PSMD12: variants seen among roughly 807,000 people sequenced by gnomAD.
PSMD12 encodes 26S proteasome non-ATPase regulatory subunit 12.
A neutral mutation model predicts 62.9 loss-of-function variants in PSMD12; 8 were observed. That is an observed-to-expected ratio of 0.13 (90% confidence interval 0.07 to 0.23). The LOEUF (loss-of-function observed/expected upper bound fraction) is 0.23, where lower values mean the gene tolerates loss of function less well. Ranked by LOEUF, PSMD12 falls within the 10% of genes least tolerant of loss-of-function variation. PSMD12 has a pLI of 1.00. For missense variants in PSMD12, 424 were observed against 550.2 expected, an observed-to-expected ratio of 0.77 and a Z score of 2.29; for synonymous variants, 173 against 187.4, an observed-to-expected ratio of 0.92 and a Z score of 0.63.
chr17:67,354,114 T>C (rs1390526100), intron 3 of PSMD12, among the ~76,000 whole-genome samples: 3 of 152,200 alleles, frequency 2.0e-5, no homozygotes, highest in Non-Finnish European at 4.4e-5. Context: ...CATTTGGAAA[T>C]TAACAGGGCC....
intron 1 of PSMD12, among the ~76,000 whole-genome samples, chr17:67,358,583 A>AAAAG (rs2042100610): frequency 1.3e-5 from 2 of 149,078 alleles, no homozygotes; most frequent in Non-Finnish European, 3.0e-5. Flanking sequence ...AAAAAAAAAA[A>AAAAG]AAAGAAAAGA....
intron 3 of PSMD12, among the ~76,000 whole-genome samples, chr17:67,356,244 A>C (rs749154920): frequency 1.3e-5 from 2 of 152,084 alleles, no homozygotes; most frequent in African/African-American, 2.4e-5. Context: ...ATAGTTTTTG[A>C]ATGTCAGTAA....
intron 3 of PSMD12, among the ~76,000 whole-genome samples, chr17:67,353,651 A>C (rs1180974105): frequency 1.3e-5 from 2 of 152,212 alleles, no homozygotes; most frequent in African/African-American, 4.8e-5. Flanking sequence ...CTGCTTAAGC[A>C]AAAAATAAAT....
chr17:67,356,344 G>A (rs1444466580), intron 3 of PSMD12, among the ~76,000 whole-genome samples: 10 of 151,124 alleles, frequency 6.6e-5, no homozygotes, highest in Non-Finnish European at 1.5e-4. Flanking sequence ...GGATCACGAG[G>A]TCAGGAGATC....
chr17:67,340,062 A>T lies in PSMD12; in HGVS notation c.*781T>A, dbSNP rs1021527821. Reference sequence around the variant, plus strand: ...ACAACTTTATGTTAAATTTAAACCCATATAAAGAAAGGGGAGAGGAAGAAG... The same window carrying T: ...ACAACTTTATGTTAAATTTAAACCCTTATAAAGAAAGGGGAGAGGAAGAAG... On this transcript the variant is annotated 3_prime_UTR_variant, in exon 11 of 11. Transcript: ENST00000356126. 5 of 147,988 alleles carry T rather than the reference A, an allele frequency of 3.4e-5. No individual in the cohort carries two copies. The highest frequency in any genetic ancestry group is 7.5e-5 in the Non-Finnish European group (5 of 67,106). The allele number at this position is 147,988 out of a possible 1,614,324, so 9.2% of individuals were successfully genotyped here.
rs1272986615 is a variant in PSMD12, at chr17:67,344,910, A to G, written c.909-130T>C. On this transcript the variant is annotated intron_variant, in intron 8 of 10. Coordinates refer to ENST00000356126, the MANE Select transcript of PSMD12 (RefSeq NM_002816.5). Reference sequence around the variant, plus strand: ...TTTATTTAGTAGAATGAGACACCATATGATTATTGTGTATTTTACCAACTT... The same window carrying G: ...TTTATTTAGTAGAATGAGACACCATGTGATTATTGTGTATTTTACCAACTT... The G allele has an allele frequency of 6.7e-6, 5 of 741,850 alleles. No individual in the cohort carries two copies. The South Asian group carries it at 1.1e-4, about 16-fold the overall frequency. The allele number at this position is 741,850 out of a possible 1,614,324, so 46.0% of individuals were successfully genotyped here. A position where few individuals can be genotyped will look rare whatever the true frequency, so the allele number is the denominator to read the frequency against.
intron 1 of PSMD12, among the ~76,000 whole-genome samples, chr17:67,363,446 C>A (rs1390271319): frequency 2.0e-5 from 3 of 152,148 alleles, no homozygotes; most frequent in African/African-American, 7.2e-5. Flanking sequence ...ATGTCTTTCA[C>A]ATTTAAAATA....
chr17:67,354,434 C>T (rs1008825663), intron 3 of PSMD12, among the ~76,000 whole-genome samples: 4 of 151,402 alleles, frequency 2.6e-5, no homozygotes, highest in South Asian at 4.2e-4. Context: ...AAAAAGTAAG[C>T]GTTAAGCAAC....
chr17:67,354,121 G>C (rs2042044771), intron 3 of PSMD12, among the ~76,000 whole-genome samples: 1 of 152,162 alleles, frequency 6.6e-6, no homozygotes. Context: ...AAATTAACAG[G>C]GCCAGGGGCC....
intron 3 of PSMD12, among the ~76,000 whole-genome samples, chr17:67,353,759 T>C (rs2042041459): frequency 6.6e-6 from 1 of 152,146 alleles, no homozygotes; most frequent in African/African-American, 2.4e-5. Flanking sequence ...AGACATAATA[T>C]GTTACAGGGA....
At position 67,347,319 on chromosome 17, in the gene PSMD12, G is replaced by A. The variant is rs2041977190; in HGVS notation, c.660+17C>T. The A allele has an allele frequency of 1.9e-6, 3 of 1,612,584 alleles. No individual in the cohort carries two copies. The highest frequency in any genetic ancestry group is 2.7e-5 in the African/African-American group (2 of 74,986). ...TTCATACTTTTAAAGTAAACATGTGGTCACAGATATGCTCACCTCTGTATT... is the reference window on the plus strand; with the variant it reads ...TTCATACTTTTAAAGTAAACATGTGATCACAGATATGCTCACCTCTGTATT... On this transcript the variant is annotated intron_variant, in intron 6 of 10. Transcript: ENST00000356126.
intron 1 of PSMD12, among the ~76,000 whole-genome samples, chr17:67,363,914 T>C (rs2042156544): frequency 1.3e-5 from 2 of 152,014 alleles, no homozygotes; most frequent in African/African-American, 2.4e-5. Flanking sequence ...CTGGACGTAG[T>C]GGTGCATGCC....
chr17:67,361,412 T>A (rs2042126503), intron 1 of PSMD12, among the ~76,000 whole-genome samples: 1 of 152,064 alleles, frequency 6.6e-6, no homozygotes, highest in African/African-American at 2.4e-5. Context: ...TGAAACCCCA[T>A]CTCTACTAAA....
At chr17:67,352,876 C>G (rs376993990) in intron 3 of PSMD12, among the ~76,000 whole-genome samples, 244 of 152,294 alleles carry the variant, frequency 1.6e-3, no homozygotes, top group African/African-American at 5.6e-3. Context: ...TCAAGCAACC[C>G]TTATTATACT....
chr17:67,357,251 T>C (rs2042083616), intron 3 of PSMD12, 52 bp downstream of exon 3: 3 of 1,563,426 alleles, frequency 1.9e-6, no homozygotes, highest in Middle Eastern at 2.4e-4. Context: ...TTGTGAAAAG[T>C]TCTGAAATAC....
intron 8 of PSMD12, chr17:67,345,525 C>T (rs1397932844): frequency 4.5e-5 from 20 of 442,516 alleles, no homozygotes; most frequent in Non-Finnish European, 7.5e-5. Flanking sequence ...GCCTGTAATC[C>T]CGGCTACTCG....
chr17:67,344,838 A>G lies in PSMD12; in HGVS notation c.909-58T>C, dbSNP rs918275860. The G allele has an allele frequency of 6.7e-6, 9 of 1,337,916 alleles. No homozygotes were observed. In the East Asian group the frequency reaches 1.0e-4, roughly 15 times the overall value. The allele number at this position is 1,337,916 out of a possible 1,614,324, so 82.9% of individuals were successfully genotyped here. ...CTGTAAAAATTAAGTATTAACTAAT[A>G]TAATAGCAAAGTTCAAAAAATTCAG... On this transcript the variant is annotated intron_variant, in intron 8 of 10. Transcript: ENST00000356126.
intron 9 of PSMD12, among the ~76,000 whole-genome samples, chr17:67,344,378 G>A (rs976581958): frequency 1.3e-5 from 2 of 152,136 alleles, no homozygotes; most frequent in Non-Finnish European, 2.9e-5. Context: ...TATGCTTTGG[G>A]AAATGCAGAG....
intron 3 of PSMD12, among the ~76,000 whole-genome samples, chr17:67,350,663 A>G (rs1021684446): frequency 3.9e-5 from 6 of 152,196 alleles, no homozygotes; most frequent in Non-Finnish European, 7.3e-5. Context: ...GTGACTGAGG[A>G]GGAAAAAGGC....
Sources: gnomAD v4.1 joint callset for allele counts (sites outside exome capture counted in the v4.1 genomes callset) on GRCh38, gnomAD v4.1.1 for gene constraint, MANE v1.5 for transcripts, NCBI Gene and HGNC (gene_info 2026-07-23, HGNC 2026-07-21) for gene names.